The following PTPRT variants were observed in gnomAD, a reference collection of about 807,000 sequenced individuals.
PTPRT encodes the protein receptor-type tyrosine-protein phosphatase T.
In PTPRT, 56 loss-of-function variants were observed where a neutral mutation model predicts 176.8. That is an observed-to-expected ratio of 0.32 (90% CI 0.26 to 0.40). The LOEUF (loss-of-function observed/expected upper bound fraction) is 0.40, where lower values mean the gene tolerates loss of function less well. PTPRT is among the 10% of genes least tolerant of loss of function. The pLI is 1.00. For synonymous variants in PTPRT, 783 were observed against 739.0 expected (o/e 1.06, Z -0.96); for missense variants, 1,540 against 1,908.2 (o/e 0.81, Z 3.60).
Position 42,078,470 on chromosome 20 carries a change from A to G in PTPRT, c.*2409T>C. 4.8e-6 allele frequency: 1 copy of G among 208,066 alleles called. No homozygotes were observed. Among genetic ancestry groups the G allele is most frequent in the African/African-American group, 2.3e-5 (1 of 43,988 alleles). 12.9% of individuals were successfully genotyped at this position (208,066 alleles called of 1,614,324 possible). A position where few individuals can be genotyped will look rare whatever the true frequency, so the allele number is the denominator to read the frequency against. The stretch of plus-strand genomic sequence containing the variant: ...CAGCAACAAAACAATGAGCAGACAG[A>G]CAAATAGATGTGATATTAAAAAGTG... On this transcript the variant is annotated 3_prime_UTR_variant, in exon 31 of 31. Coordinates refer to ENST00000373187, the MANE Select transcript of PTPRT (RefSeq NM_007050.6).
At chr20:43,053,132 C>A (rs749111350) in intron 1 of PTPRT, among the ~76,000 whole-genome samples, 1 of 152,104 alleles carries the variant, frequency 6.6e-6, no homozygotes, top group African/African-American at 2.4e-5. Context: ...TTGAAAGAAA[C>A]TAGCCCCAAA....
chr20:42,441,649 T>C (rs151336806), intron 9 of PTPRT, among the ~76,000 whole-genome samples: 2 of 152,168 alleles, frequency 1.3e-5, no homozygotes, highest in Non-Finnish European at 2.9e-5. Flanking sequence ...ATCTGAGGGG[T>C]GCTCAGAACA....
intron 27 of PTPRT, among the ~76,000 whole-genome samples, chr20:42,087,435 G>A (rs1365470680): frequency 7.1e-6 from 1 of 141,108 alleles, no homozygotes; most frequent in Non-Finnish European, 1.6e-5. Context: ...TTTTAGTAGA[G>A]ACAGAGCCTC....
chr20:42,308,910 C>G (rs764297281), intron 12 of PTPRT, among the ~76,000 whole-genome samples: 1 of 152,184 alleles, frequency 6.6e-6, no homozygotes, highest in Non-Finnish European at 1.5e-5. Context: ...ACTATTATAA[C>G]GTGATTATAC....
intron 1 of PTPRT, among the ~76,000 whole-genome samples, chr20:43,083,337 T>TGTATATATAC (rs1568773961): frequency 9.5e-6 from 1 of 105,792 alleles, no homozygotes; most frequent in African/African-American, 3.7e-5. Context: ...TATATATATA[T>TGTATATATAC]ATATATATAT....
intron 6 of PTPRT, among the ~76,000 whole-genome samples, chr20:42,690,390 G>A (rs937952587): frequency 3.1e-4 from 47 of 152,314 alleles, no homozygotes; most frequent in Non-Finnish European, 3.1e-4. Flanking sequence ...AGAAATGATG[G>A]AGGCATAACT....
At chr20:42,375,387 G>A (rs888892920) in intron 9 of PTPRT, among the ~76,000 whole-genome samples, 1 of 152,160 alleles carries the variant, frequency 6.6e-6, no homozygotes, top group East Asian at 1.9e-4. Context: ...GGCTCTAGGA[G>A]GTGAGGCCTC....
intron 1 of PTPRT, among the ~76,000 whole-genome samples, chr20:42,983,216 C>T (rs1458480959): frequency 1.3e-5 from 2 of 152,188 alleles, no homozygotes; most frequent in Non-Finnish European, 2.9e-5. Context: ...TTACATTTCA[C>T]TAGGTTAAAT....
At chr20:42,845,993 C>T (rs1013901326) in intron 2 of PTPRT, among the ~76,000 whole-genome samples, 1 of 152,062 alleles carries the variant, frequency 6.6e-6, no homozygotes, top group African/African-American at 2.4e-5. Context: ...CAGGGGTCTG[C>T]AAGGGAAGCT....
At chr20:42,713,157 AC>A in intron 6 of PTPRT, among the ~76,000 whole-genome samples, 1 of 46,746 alleles carries the variant, frequency 2.1e-5, no homozygotes, top group East Asian at 5.6e-4. Flanking sequence ...ACGCACACAT[AC>A]ACACACACAC....
At chr20:42,537,192 T>A (rs2072492086) in intron 7 of PTPRT, among the ~76,000 whole-genome samples, 1 of 152,150 alleles carries the variant, frequency 6.6e-6, no homozygotes, top group Non-Finnish European at 1.5e-5. Context: ...GTGTTGGAAG[T>A]GCATTGGATG....
intron 1 of PTPRT, among the ~76,000 whole-genome samples, chr20:43,120,536 G>C (rs2013221554): frequency 6.6e-6 from 1 of 152,212 alleles, no homozygotes; most frequent in African/African-American, 2.4e-5. Flanking sequence ...CTCCCAAAGT[G>C]CTGGGATTGC....
chr20:42,251,717 T>TAAAAA (rs5841455), intron 13 of PTPRT, among the ~76,000 whole-genome samples: 1 of 143,640 alleles, frequency 7.0e-6, no homozygotes. Flanking sequence ...CTGTTGTACT[T>TAAAAA]AAAAAACAAA....
At chr20:42,706,816 C>G (rs943593765) in intron 6 of PTPRT, among the ~76,000 whole-genome samples, 1 of 152,134 alleles carries the variant, frequency 6.6e-6, no homozygotes, top group African/African-American at 2.4e-5. Flanking sequence ...AAGTCCTAAC[C>G]CTCAGTACCT....
At chr20:42,768,922 C>T (rs1301831863) in intron 5 of PTPRT, among the ~76,000 whole-genome samples, 7 of 152,192 alleles carry the variant, frequency 4.6e-5, no homozygotes, top group African/African-American at 1.7e-4. Flanking sequence ...AGAACTGCCA[C>T]AATAACGATC....
intron 9 of PTPRT, among the ~76,000 whole-genome samples, chr20:42,438,560 C>T (rs2059283902): frequency 6.6e-6 from 1 of 152,180 alleles, no homozygotes; most frequent in Non-Finnish European, 1.5e-5. Flanking sequence ...TTCACACAGA[C>T]ATGCCACCAA....
intron 6 of PTPRT, among the ~76,000 whole-genome samples, chr20:42,684,617 C>T (rs972008078): frequency 6.6e-6 from 1 of 152,144 alleles, no homozygotes. Context: ...GTAAAGAAAA[C>T]TTCTCTGAAA....
intron 1 of PTPRT, among the ~76,000 whole-genome samples, chr20:43,066,606 C>T (rs575207310): frequency 1.1e-3 from 173 of 152,312 alleles, no homozygotes; most frequent in Non-Finnish European, 1.5e-3. Flanking sequence ...CACTTCCCCC[C>T]ATCCACCCAT....
chr20:42,161,431 G>A lies in PTPRT; in HGVS notation c.2603C>T (p.Ala868Val). The A allele has an allele frequency of 6.2e-7, 1 of 1,614,158 alleles. No homozygotes were observed. The highest frequency in any genetic ancestry group is 8.5e-7 in the Non-Finnish European group (1 of 1,180,032). The change falls in exon 17 of 31, where the codon GCC becomes GTC. Residue 868 changes from alanine to valine, a missense_variant. Around this residue, in one of 11 missense-constraint regions of PTPRT, gnomAD observed 255 missense variants for 250.1 expected, o/e 1.02. Coordinates refer to ENST00000373187, the MANE Select transcript of PTPRT (RefSeq NM_007050.6). ...MSYPRDQFQP[A>V]IRVADLLQHI... ...CTGCAGCAAGTCAGCCACCCGGATGGCGGGTTGGAACTGGTCCCGGGGGTA... is the reference window on the plus strand; with the variant it reads ...CTGCAGCAAGTCAGCCACCCGGATGACGGGTTGGAACTGGTCCCGGGGGTA...
Sources: gnomAD v4.1 joint callset for allele counts (sites outside exome capture counted in the v4.1 genomes callset) on GRCh38, gnomAD v4.1.1 for gene constraint, gnomAD v4.1.1 regional missense constraint, MANE v1.5 for transcripts, NCBI Gene and HGNC (gene_info 2026-07-23, HGNC 2026-07-21) for gene names.